The following MCTP1 variants were observed in gnomAD, a reference collection of about 807,000 sequenced individuals.
MCTP1 encodes multiple C2 and transmembrane domain containing 1.
Under a neutral mutation model 120.6 loss-of-function variants are expected in MCTP1, and 69 were observed. The ratio of observed to expected loss-of-function variants is 0.57; its 90% CI spans 0.47 to 0.70. The LOEUF is 0.70. Among genes scored for constraint, MCTP1 ranks in the 30% least tolerant of loss-of-function variants. The pLI is 0.00. For synonymous variants in MCTP1, 529 were observed against 493.1 expected, an observed-to-expected ratio of 1.07 and a Z score of -0.96; for missense variants, 1,203 against 1,248.8, an observed-to-expected ratio of 0.96 and a Z score of 0.55.
chr5:95,162,011 T>G (rs1488203387), intron 1 of MCTP1, among the ~76,000 whole-genome samples: 1 of 152,190 alleles, frequency 6.6e-6, no homozygotes, highest in African/African-American at 2.4e-5. Flanking sequence ...GTGAAGAATG[T>G]GGATCTAGAG....
chr5:94,960,323 G>T (rs889949288), intron 2 of MCTP1, among the ~76,000 whole-genome samples: 8 of 152,140 alleles, frequency 5.3e-5, no homozygotes, highest in African/African-American at 9.7e-5. Flanking sequence ...AACCCTAGAA[G>T]AAAACCTAGG....
chr5:95,263,408 C>T (rs1398344365), intron 1 of MCTP1, among the ~76,000 whole-genome samples: 1 of 152,144 alleles, frequency 6.6e-6, no homozygotes, highest in Admixed American at 6.5e-5. Context: ...CCACTAGTTT[C>T]CAGCCTCTTG....
chr5:95,012,604 C>T (rs1466923786), intron 2 of MCTP1, among the ~76,000 whole-genome samples: 1 of 152,120 alleles, frequency 6.6e-6, no homozygotes, highest in African/African-American at 2.4e-5. Flanking sequence ...ACATTTCAAG[C>T]TTCTTCATTA....
intron 1 of MCTP1, among the ~76,000 whole-genome samples, chr5:95,025,823 A>G (rs1245921160): frequency 1.3e-5 from 2 of 152,164 alleles, no homozygotes; most frequent in African/African-American, 2.4e-5. Flanking sequence ...AGTAATTTCA[A>G]TATGCAGACT....
chr5:94,878,290 G>A (rs1799336332), intron 12 of MCTP1, among the ~76,000 whole-genome samples: 1 of 152,000 alleles, frequency 6.6e-6, no homozygotes, highest in African/African-American at 2.4e-5. Flanking sequence ...TGGGGCTTTG[G>A]CCTTATCCTT....
chr5:95,127,872 C>T (rs1249153371), intron 1 of MCTP1, among the ~76,000 whole-genome samples: 1 of 152,044 alleles, frequency 6.6e-6, no homozygotes, highest in Non-Finnish European at 1.5e-5. Flanking sequence ...GAACTGGAGC[C>T]ATAAAGTGCT....
chr5:95,144,814 T>C (rs1311278124), intron 1 of MCTP1, among the ~76,000 whole-genome samples: 2 of 152,196 alleles, frequency 1.3e-5, no homozygotes, highest in African/African-American at 4.8e-5. Context: ...TATAGCCTTG[T>C]AGTATAGTGG....
intron 1 of MCTP1, among the ~76,000 whole-genome samples, chr5:95,046,630 T>C (rs1176712816): frequency 6.6e-6 from 1 of 152,124 alleles, no homozygotes; most frequent in East Asian, 1.9e-4. Flanking sequence ...ACAGAATAAT[T>C]AAGAGTTCGC....
chr5:94,707,621 G>A, intron 22 of MCTP1, 54 bp from the exon 23 acceptor site: 2 of 1,316,132 alleles, frequency 1.5e-6, no homozygotes, highest in South Asian at 1.2e-5. Context: ...TTCTGGCAAA[G>A]AAAGGAACAG....
At chr5:94,920,508 C>T (rs956488493) in intron 7 of MCTP1, among the ~76,000 whole-genome samples, 4 of 151,688 alleles carry the variant, frequency 2.6e-5, no homozygotes, top group African/African-American at 4.8e-5. Context: ...TTTGGGAGGC[C>T]GAGGCGGGCA....
At chr5:94,984,574 T>A (rs1414890977) in intron 2 of MCTP1, among the ~76,000 whole-genome samples, 5 of 152,120 alleles carry the variant, frequency 3.3e-5, no homozygotes, top group African/African-American at 1.2e-4. Flanking sequence ...AAAGGAGGAA[T>A]GTAGGTGGTG....
intron 1 of MCTP1, among the ~76,000 whole-genome samples, chr5:95,166,874 T>G (rs918412115): frequency 6.6e-6 from 1 of 151,922 alleles, no homozygotes; most frequent in African/African-American, 2.4e-5. Flanking sequence ...GCCATTTTAA[T>G]CATTTCTCTA....
intron 19 of MCTP1, among the ~76,000 whole-genome samples, chr5:94,744,926 C>T (rs564908601): frequency 6.6e-6 from 1 of 152,300 alleles, no homozygotes; most frequent in African/African-American, 2.4e-5. Context: ...TCAAATCCTG[C>T]CCTGCCTGTG....
At chr5:94,735,790 A>G (rs1398272095) in intron 19 of MCTP1, among the ~76,000 whole-genome samples, 1 of 142 alleles carries the variant, frequency 7.0e-3, no homozygotes, top group African/African-American at 0.024. Context: ...ACTAAAAGAG[A>G]CTTTAAAATA....
chr5:94,716,966 A>G (rs1167804800), intron 19 of MCTP1, among the ~76,000 whole-genome samples: 2 of 152,144 alleles, frequency 1.3e-5, no homozygotes, highest in African/African-American at 4.8e-5. Flanking sequence ...GCATCAAAAG[A>G]TTGGTATATG....
intron 19 of MCTP1, among the ~76,000 whole-genome samples, chr5:94,767,828 C>T (rs1773143416): frequency 6.6e-6 from 1 of 152,140 alleles, no homozygotes; most frequent in Non-Finnish European, 1.5e-5. Context: ...GACTATACTA[C>T]ACAAAGCAGT....
At position 94,788,185 on chromosome 5, in the gene MCTP1, T is replaced by TA. The variant is rs564070031; in HGVS notation, c.2557-9023dup. 5.4e-4 allele frequency among the ~76,000 whole-genome samples: 83 copies of TA among 152,326 alleles called. 2 individuals are homozygous for TA. The South Asian group carries it at 0.011, about 21-fold the overall frequency. ...ATTCAGTTAGTTTTTAAAGAACTGA[T>TA]AGAGTATACTAGTTTCTTTTTGTTG... On this transcript the variant is annotated intron_variant, in intron 18 of 22. Coordinates refer to ENST00000515393, the MANE Select transcript of MCTP1 (RefSeq NM_024717.7).
intron 1 of MCTP1, among the ~76,000 whole-genome samples, chr5:95,250,035 A>C (rs1757226095): frequency 2.0e-5 from 3 of 152,196 alleles, no homozygotes; most frequent in African/African-American, 4.8e-5. Flanking sequence ...GAGGGATAGC[A>C]TTAAGAGAAA....
intron 2 of MCTP1, among the ~76,000 whole-genome samples, chr5:94,955,116 A>G (rs1822226406): frequency 1.3e-5 from 2 of 152,128 alleles, no homozygotes; most frequent in South Asian, 4.1e-4. Flanking sequence ...ACAGAGGGTG[A>G]GCAGAAGCAG....
Sources: gnomAD v4.1 joint callset for allele counts (sites outside exome capture counted in the v4.1 genomes callset) on GRCh38, gnomAD v4.1.1 for gene constraint, MANE v1.5 for transcripts, NCBI Gene and HGNC (gene_info 2026-07-23, HGNC 2026-07-21) for gene names.